PCDHGB3: variants seen among roughly 807,000 people sequenced by gnomAD.
The protein encoded by PCDHGB3 is protocadherin gamma-B3.
PCDHGB3 carries 40 observed loss-of-function variants against 59.2 expected under a neutral mutation model. The ratio of observed to expected loss-of-function variants is 0.68; its 90% CI spans 0.52 to 0.88. PCDHGB3 has a LOEUF of 0.88. Among genes scored for constraint, PCDHGB3 ranks in the 40% least tolerant of loss-of-function variants. The probability of loss-of-function intolerance (pLI) is 0.00; values close to 1 mark genes in which losing one functional copy is unlikely to be tolerated. For synonymous variants in PCDHGB3, 581 were observed against 503.6 expected, an observed-to-expected ratio of 1.15 and a Z score of -2.06; for missense variants, 1,309 against 1,187.9, an observed-to-expected ratio of 1.10 and a Z score of -1.50.
At chr5:141,376,262 G>A (rs1417719002) in intron 1 of PCDHGB3, 2 of 1,614,108 alleles carry the variant, frequency 1.2e-6, no homozygotes, top group Admixed American at 1.7e-5. Context: ...CCTGCTGCAG[G>A]CTTCGGGAGG....
intron 1 of PCDHGB3, among the ~76,000 whole-genome samples, chr5:141,425,497 CT>C (rs2096879671): frequency 6.6e-6 from 1 of 152,164 alleles, no homozygotes; most frequent in African/African-American, 2.4e-5. Context: ...TAGGCTATAC[CT>C]TTATATTCTC....
chr5:141,505,345 G>A (rs776607130), intron 2 of PCDHGB3, 48 bp from the exon 3 acceptor site: 13 of 1,613,086 alleles, frequency 8.1e-6, no homozygotes, highest in Non-Finnish European at 1.1e-5. Flanking sequence ...AGGGGCATGA[G>A]CTGTGCCGGC....
At chr5:141,443,090 C>T (rs1403922939) in intron 1 of PCDHGB3, among the ~76,000 whole-genome samples, 3 of 151,926 alleles carry the variant, frequency 2.0e-5, no homozygotes, top group Non-Finnish European at 2.9e-5. Context: ...TTCCAGTCTC[C>T]TTCTCAAGCT....
chr5:141,375,133 A>C, intron 1 of PCDHGB3: 1 of 1,613,958 alleles, frequency 6.2e-7, no homozygotes, highest in South Asian at 1.1e-5. Context: ...TGGTTGTTAC[A>C]TCTGGAAGCA....
chr5:141,375,174 C>G (rs765614006), intron 1 of PCDHGB3: 7 of 1,613,886 alleles, frequency 4.3e-6, no homozygotes, highest in East Asian at 4.5e-5. Flanking sequence ...CCTCCAGGAA[C>G]AGTAATCGCC....
At position 141,435,341 on chromosome 5, in the gene PCDHGB3, C is replaced by T. The variant is rs73794903; in HGVS notation, c.2416-59466C>T. 9.3e-3 allele frequency among the ~76,000 whole-genome samples: 1,412 copies of T among 152,206 alleles called. 25 individuals carry two copies. Among genetic ancestry groups the T allele is most frequent in the African/African-American group, 0.032 (1,313 of 41,532 alleles). On this transcript the variant is annotated intron_variant, in intron 1 of 3. Coordinates refer to ENST00000576222, the MANE Select transcript of PCDHGB3 (RefSeq NM_018924.5). ...ACTTCCAAATATAGTGAATTTATTT[C>T]TTCTGCATTTAAAATTTTATCACTT...
chr5:141,405,201 T>C, intron 1 of PCDHGB3: 1 of 1,614,050 alleles, frequency 6.2e-7, no homozygotes, highest in Non-Finnish European at 8.5e-7. Context: ...CGAGCTTTCC[T>C]ACAGACCTAT....
chr5:141,422,397 C>T (rs753017439), intron 1 of PCDHGB3: 4 of 1,597,606 alleles, frequency 2.5e-6, no homozygotes, highest in East Asian at 4.5e-5. Context: ...TTCCTAACCA[C>T]CTGCCTTTTA....
chr5:141,413,989 G>C, intron 1 of PCDHGB3: 1 of 1,613,400 alleles, frequency 6.2e-7, no homozygotes, highest in East Asian at 2.2e-5. Context: ...CACAGCCACC[G>C]ACAGGGACGA....
chr5:141,510,141 T>C (rs1596266322), intron 3 of PCDHGB3, among the ~76,000 whole-genome samples: 1 of 152,014 alleles, frequency 6.6e-6, no homozygotes. Flanking sequence ...GGGCTAGTGG[T>C]GTGCACCTGT....
intron 1 of PCDHGB3, among the ~76,000 whole-genome samples, chr5:141,472,310 G>A (rs2099276586): frequency 6.6e-6 from 1 of 152,040 alleles, no homozygotes; most frequent in Non-Finnish European, 1.5e-5. Flanking sequence ...GGGAAGCCGA[G>A]GCAGGCAGAT....
chr5:141,448,335 A>T (rs567377336), intron 1 of PCDHGB3, among the ~76,000 whole-genome samples: 1 of 152,108 alleles, frequency 6.6e-6, no homozygotes, highest in Non-Finnish European at 1.5e-5. Flanking sequence ...CTTTATAGCC[A>T]TGTACCTCAA....
At chr5:141,381,244 C>T (rs554184818) in intron 1 of PCDHGB3, among the ~76,000 whole-genome samples, 2 of 152,360 alleles carry the variant, frequency 1.3e-5, no homozygotes, top group African/African-American at 4.8e-5. Flanking sequence ...TCTCCAGGAC[C>T]TAGAAGAATT....
In PCDHGB3 at chr5:141,477,967, C is replaced by A; in HGVS notation, c.2416-16840C>A. The A allele has an allele frequency of 6.2e-7, 1 of 1,614,150 alleles. No individual in the cohort carries two copies. Among genetic ancestry groups the A allele is most frequent in the Non-Finnish European group, 8.5e-7 (1 of 1,180,032 alleles). On this transcript the variant is annotated intron_variant, in intron 1 of 3. Transcript: ENST00000576222. The surrounding 1 kb of genome is among the most constrained non-coding windows in gnomAD (Gnocchi z 4.9). ...GTCTCTTGGGATCCCCTAACCAGAG[C>A]CTTTTTGCCATAGGGCTGCACACTG...
At position 141,432,749 on chromosome 5, in the gene PCDHGB3, G is replaced by A; in HGVS notation, c.2415+59940G>A. 6.8e-6 allele frequency: 11 copies of A among 1,614,106 alleles called. No homozygotes were observed. The highest frequency in any genetic ancestry group is 9.3e-6 in the Non-Finnish European group (11 of 1,179,980). On this transcript the variant is annotated intron_variant, in intron 1 of 3. Coordinates refer to ENST00000576222, the MANE Select transcript of PCDHGB3 (RefSeq NM_018924.5). The surrounding 1 kb of genome is among the most constrained non-coding windows in gnomAD (Gnocchi z 6.0). ...CGCCACTGTCACGCTCACCGTGGCCGTGGCCGACAGCATCCCCCAAGTCCT... is the reference window on the plus strand; with the variant it reads ...CGCCACTGTCACGCTCACCGTGGCCATGGCCGACAGCATCCCCCAAGTCCT...
chr5:141,492,942 G>A (rs897160295), intron 1 of PCDHGB3, among the ~76,000 whole-genome samples: 3 of 152,220 alleles, frequency 2.0e-5, no homozygotes, highest in African/African-American at 7.2e-5. Context: ...GAGATTTGGA[G>A]GTGACCAAAC....
chr5:141,494,680 C>G (rs552351026), intron 1 of PCDHGB3, 127 bp from the exon 2 acceptor site: 2 of 1,560,096 alleles, frequency 1.3e-6, no homozygotes, highest in East Asian at 4.6e-5. Context: ...CCACCCCTGC[C>G]CCCTCTTAGT....
rs749822569 is a variant in PCDHGB3, at chr5:141,371,950, C to G, written c.1556C>G (p.Ala519Gly). The change falls in exon 1 of 4, where the codon GCC becomes GGC. Residue 519 changes from alanine (A) to glycine (G), a missense_variant. Coordinates refer to ENST00000576222, the MANE Select transcript of PCDHGB3 (RefSeq NM_018924.5). Reference sequence around the variant, plus strand: ...AGCGGGGTGGTGTTCGCGCAGCGAGCCTTCGACCACGAGCAGCTGCGTGCC... The same window carrying G: ...AGCGGGGTGGTGTTCGCGCAGCGAGGCTTCGACCACGAGCAGCTGCGTGCC... ...ARSGVVFAQR[A>G]FDHEQLRAFE... 3.1e-6 allele frequency: 5 copies of G among 1,613,168 alleles called. No homozygotes were observed. The highest frequency in any genetic ancestry group is 4.2e-6 in the Non-Finnish European group (5 of 1,179,884).
intron 1 of PCDHGB3, chr5:141,402,922 C>A: frequency 1.3e-6 from 2 of 1,576,446 alleles, no homozygotes; most frequent in Non-Finnish European, 8.6e-7. Flanking sequence ...GCACAGAGAT[C>A]CTTTTGAGAA....
Sources: allele counts gnomAD v4.1 joint callset (sites outside exome capture counted in the v4.1 genomes callset), GRCh38; gene constraint gnomAD v4.1.1; non-coding constraint Gnocchi (gnomAD v3.1); transcripts MANE v1.5; gene names NCBI Gene and HGNC (gene_info 2026-07-23, HGNC 2026-07-21).